The following METAP1D variants were observed in gnomAD, a reference collection of about 807,000 sequenced individuals.
The protein encoded by METAP1D is methionine aminopeptidase 1D, mitochondrial.
A neutral mutation model predicts 40.5 loss-of-function variants in METAP1D; 31 were observed. That is an observed-to-expected ratio of 0.77 (90% CI 0.58 to 1.03). METAP1D has a LOEUF of 1.03. METAP1D is among the 50% of genes least tolerant of loss of function. The pLI is 0.00. For missense variants in METAP1D, 411 were observed against 420.7 expected, an observed-to-expected ratio of 0.98 and a Z score of 0.20; for synonymous variants, 151 against 146.4, an observed-to-expected ratio of 1.03 and a Z score of -0.22.
chr2:172,074,449 T>C (rs1200808726), intron 6 of METAP1D, among the ~76,000 whole-genome samples: 2 of 152,204 alleles, frequency 1.3e-5, no homozygotes, highest in African/African-American at 2.4e-5. Context: ...TACTGTAAAT[T>C]ACAATTATAC....
At chr2:172,024,437 G>GCCT (rs1444591491) in intron 1 of METAP1D, among the ~76,000 whole-genome samples, 1 of 151,976 alleles carries the variant, frequency 6.6e-6, no homozygotes, top group Non-Finnish European at 1.5e-5. Context: ...AGGCCCAGGG[G>GCCT]GTCTTTACAA....
intron 7 of METAP1D, 114 bp downstream of exon 7, chr2:172,078,008 G>T: frequency 2.0e-6 from 1 of 496,864 alleles, no homozygotes; most frequent in Non-Finnish European, 3.7e-6. Flanking sequence ...GTGTTTGTGT[G>T]TGTGTTTATG....
intron 7 of METAP1D, among the ~76,000 whole-genome samples, chr2:172,078,792 A>G (rs1054140326): frequency 1.3e-5 from 2 of 152,068 alleles, no homozygotes; most frequent in Admixed American, 6.5e-5. Context: ...CCTGCTCCCC[A>G]CAACCTGCAC....
At chr2:172,025,770 A>G (rs1416953621) in intron 1 of METAP1D, among the ~76,000 whole-genome samples, 1 of 152,178 alleles carries the variant, frequency 6.6e-6, no homozygotes, top group Non-Finnish European at 1.5e-5. Flanking sequence ...GCAGTGACAC[A>G]GTCAGCTCAG....
At chr2:172,023,909 C>A (rs1438183258) in intron 1 of METAP1D, among the ~76,000 whole-genome samples, 1 of 146,644 alleles carries the variant, frequency 6.8e-6, no homozygotes, top group Non-Finnish European at 1.5e-5. Flanking sequence ...GGCTGGAGTG[C>A]AGTGGTGTGA....
chr2:172,062,613 A>G (rs1005575167), intron 2 of METAP1D, among the ~76,000 whole-genome samples: 2 of 152,200 alleles, frequency 1.3e-5, no homozygotes, highest in Admixed American at 1.3e-4. Flanking sequence ...ACAAGAACAC[A>G]GGCTCTTTGG....
chr2:172,052,138 C>G, intron 1 of METAP1D, among the ~76,000 whole-genome samples: 1 of 152,114 alleles, frequency 6.6e-6, no homozygotes, highest in East Asian at 1.9e-4. Flanking sequence ...AGCTGTTTTC[C>G]AACACCTGCA....
chr2:172,073,439 G>A (rs998562211), intron 6 of METAP1D, among the ~76,000 whole-genome samples: 1 of 151,960 alleles, frequency 6.6e-6, no homozygotes, highest in African/African-American at 2.4e-5. Context: ...TTGGATTTTA[G>A]CTATCTGGAT....
intron 3 of METAP1D, among the ~76,000 whole-genome samples, chr2:172,064,902 T>C (rs2105480621): frequency 6.6e-6 from 1 of 152,330 alleles, no homozygotes; most frequent in Admixed American, 6.5e-5. Flanking sequence ...TAGAATTTTA[T>C]TTATGTTTAT....
chr2:172,017,644 GA>G (rs201224062), intron 1 of METAP1D, among the ~76,000 whole-genome samples: 2,859 of 151,922 alleles, frequency 0.019, 57 homozygotes, highest in Admixed American at 0.069. Flanking sequence ...AGTCTTCAAA[GA>G]TTAACAGTGT....
At chr2:172,053,336 C>T (rs1689929888) in intron 1 of METAP1D, among the ~76,000 whole-genome samples, 1 of 152,172 alleles carries the variant, frequency 6.6e-6, no homozygotes, top group Non-Finnish European at 1.5e-5. Context: ...ATAGTCCCTT[C>T]TGAGCTTACT....
At chr2:172,038,721 A>G (rs1559005025) in intron 1 of METAP1D, among the ~76,000 whole-genome samples, 1 of 152,230 alleles carries the variant, frequency 6.6e-6, no homozygotes, top group East Asian at 1.9e-4. Context: ...GCTTCAGGCT[A>G]CAGGCTAGAA....
chr2:172,003,349 T>C (rs1187951841), intron 1 of METAP1D, among the ~76,000 whole-genome samples: 2 of 152,166 alleles, frequency 1.3e-5, no homozygotes, highest in Non-Finnish European at 2.9e-5. Flanking sequence ...CAGCCCTCGC[T>C]TCACTGGAAT....
At chr2:172,008,260 A>G (rs1356499705) in intron 1 of METAP1D, among the ~76,000 whole-genome samples, 1 of 152,168 alleles carries the variant, frequency 6.6e-6, no homozygotes, top group Non-Finnish European at 1.5e-5. Context: ...CATTGGAGAC[A>G]TTAGTGGCCA....
rs1429473592 is a variant in METAP1D, at chr2:172,000,491, G to A, written c.40+482G>A. ...TTAAGAAGATAAGAAAGGATGTCTG[G>A]GTAGTTCTAAGTAGGTTTTATCCTG... On this transcript the variant is annotated intron_variant, in intron 1 of 9. Coordinates refer to ENST00000315796, the MANE Select transcript of METAP1D (RefSeq NM_199227.3). 7.2e-5 allele frequency among the ~76,000 whole-genome samples: 11 copies of A among 152,230 alleles called. No homozygotes were observed. The East Asian group carries it at 2.1e-3, about 29-fold the overall frequency.
chr2:172,041,723 ATT>A (rs1230722166), intron 1 of METAP1D, among the ~76,000 whole-genome samples: 2 of 25,462 alleles, frequency 7.9e-5, no homozygotes, highest in African/African-American at 1.1e-4. Context: ...TACTCTAATT[ATT>A]TTATATATAT....
At position 172,043,074 on chromosome 2, in the gene METAP1D, T is replaced by C; in HGVS notation, c.41-18424T>C. Among the ~76,000 whole-genome samples, 2 of 106,844 alleles carry C rather than the reference T, an allele frequency of 1.9e-5. 1 individual carries two copies. Among genetic ancestry groups the C allele is most frequent in the Non-Finnish European group, 4.4e-5 (2 of 45,652 alleles). 70.1% of individuals were successfully genotyped at this position (106,844 alleles called of 152,430 possible). A position where few individuals can be genotyped will look rare whatever the true frequency, so the allele number is the denominator to read the frequency against. ...ACATATATGTGTATATATATACGTGTGTGTGTACATATATTTACATACATA... is the reference window on the plus strand; with the variant it reads ...ACATATATGTGTATATATATACGTGCGTGTGTACATATATTTACATACATA... On this transcript the variant is annotated intron_variant, in intron 1 of 9. Coordinates refer to ENST00000315796, the MANE Select transcript of METAP1D (RefSeq NM_199227.3).
At chr2:172,025,011 C>T (rs1354452493) in intron 1 of METAP1D, among the ~76,000 whole-genome samples, 2 of 152,134 alleles carry the variant, frequency 1.3e-5, no homozygotes, top group African/African-American at 4.8e-5. Flanking sequence ...TTGATTTTCT[C>T]ATTTGGAAAG....
rs200561285 is a variant in METAP1D, at chr2:172,065,766, A to G, written c.497+14A>G. The G allele has an allele frequency of 6.2e-6, 10 of 1,611,236 alleles. No individual in the cohort carries two copies. Among genetic ancestry groups the G allele is most frequent in the Middle Eastern group, 1.7e-4 (1 of 6,042 alleles). On this transcript the variant is annotated intron_variant, in intron 4 of 9. Transcript: ENST00000315796. ...TATTCCTGACAGGTATTCAGTTCTT[A>G]ATAACATATTGTTCCTTTGGAAACT...
Sources: allele counts gnomAD v4.1 joint callset (sites outside exome capture counted in the v4.1 genomes callset), GRCh38; gene constraint gnomAD v4.1.1; transcripts MANE v1.5; gene names NCBI Gene and HGNC (gene_info 2026-07-23, HGNC 2026-07-21).